Variants in RASAL2 observed in about 807,000 individuals in gnomAD.
RASAL2 encodes ras GTPase-activating protein nGAP.
Under a neutral mutation model 128.9 loss-of-function variants are expected in RASAL2, and 58 were observed. The observed-to-expected ratio is 0.45, with a 90% confidence interval of 0.36 to 0.56. RASAL2 has a LOEUF of 0.56. RASAL2 is among the 20% of genes least tolerant of loss of function. The pLI, the probability that RASAL2 is intolerant of heterozygous loss-of-function variation, is 0.00. For missense variants in RASAL2, 1,360 were observed against 1,601.6 expected (o/e 0.85, Z 2.57); for synonymous variants, 561 against 580.8 (o/e 0.97, Z 0.49).
At chr1:178,101,155 T>C (rs1410542215) in intron 1 of RASAL2, among the ~76,000 whole-genome samples, 1 of 152,074 alleles carries the variant, frequency 6.6e-6, no homozygotes, top group East Asian at 1.9e-4. Context: ...AAAAGAGAAG[T>C]CTTGAGGCCC....
intron 1 of RASAL2, among the ~76,000 whole-genome samples, chr1:178,250,190 C>T (rs572958662): frequency 3.9e-5 from 6 of 152,180 alleles, no homozygotes; most frequent in Non-Finnish European, 5.9e-5. Flanking sequence ...GCCCCTTCCC[C>T]CAGGGTGCTC....
chr1:178,382,097 T>C (rs925094424), intron 3 of RASAL2, among the ~76,000 whole-genome samples: 3 of 152,208 alleles, frequency 2.0e-5, no homozygotes, highest in Non-Finnish European at 2.9e-5. Flanking sequence ...ATACAACTTA[T>C]CTAAGTACTT....
intron 1 of RASAL2, among the ~76,000 whole-genome samples, chr1:178,129,479 A>G (rs1660022228): frequency 6.6e-6 from 1 of 152,044 alleles, no homozygotes; most frequent in Non-Finnish European, 1.5e-5. Context: ...TTCTTTATAT[A>G]TTCTGAATAA....
chr1:178,210,910 A>G (rs1451958722), intron 1 of RASAL2, among the ~76,000 whole-genome samples: 1 of 152,188 alleles, frequency 6.6e-6, no homozygotes, highest in Non-Finnish European at 1.5e-5. Flanking sequence ...TGAACTACCT[A>G]GAAGACTTGA....
At chr1:178,451,474 C>T in intron 9 of RASAL2, 97 bp from the exon 10 acceptor site, 2 of 1,279,862 alleles carry the variant, frequency 1.6e-6, no homozygotes, top group Admixed American at 2.5e-5. Context: ...GAAAAGAATT[C>T]CCCATTATAC....
At chr1:178,186,973 G>A (rs114774825) in intron 1 of RASAL2, among the ~76,000 whole-genome samples, 267 of 151,624 alleles carry the variant, frequency 1.8e-3, no homozygotes, top group African/African-American at 6.1e-3. Flanking sequence ...ACAAGCATGT[G>A]CCACCATGCC....
At chr1:178,415,833 T>A (rs1674715675) in intron 4 of RASAL2, among the ~76,000 whole-genome samples, 1 of 152,128 alleles carries the variant, frequency 6.6e-6, no homozygotes. Flanking sequence ...TTGTTAAGTT[T>A]TCTTGCTGTA....
At chr1:178,454,342 C>T in intron 11 of RASAL2, 105 bp from the exon 12 acceptor site, 1 of 851,078 alleles carries the variant, frequency 1.2e-6, no homozygotes. Context: ...ATTAGTCATT[C>T]CCTCCACAAA....
At chr1:178,183,736 T>G (rs1662196371) in intron 1 of RASAL2, among the ~76,000 whole-genome samples, 1 of 152,204 alleles carries the variant, frequency 6.6e-6, no homozygotes, top group Admixed American at 6.5e-5. Flanking sequence ...CTTCTAGTTT[T>G]TGGTGATTAT....
rs189366660 is a variant in RASAL2 at position 178,225,710 on chromosome 1, C to T, written c.203-57854C>T. 3.4e-3 allele frequency among the ~76,000 whole-genome samples: 509 copies of T among 151,876 alleles called. 4 individuals are homozygous for T. Among genetic ancestry groups the T allele is most frequent in the African/African-American group, 0.012 (494 of 41,444 alleles). The stretch of plus-strand genomic sequence containing the variant: ...ATATGTACTATGATTTATTTAGTCA[C>T]TTTTCTATTGATGGTCATTAGCATT... On this transcript the variant is annotated intron_variant, in intron 1 of 17. Transcript: ENST00000367649.
intron 3 of RASAL2, among the ~76,000 whole-genome samples, chr1:178,374,481 A>G (rs543568099): frequency 2.0e-5 from 3 of 152,126 alleles, no homozygotes; most frequent in Non-Finnish European, 4.4e-5. Context: ...TGTGCTGGTT[A>G]GGATCTACTA....
intron 1 of RASAL2, among the ~76,000 whole-genome samples, chr1:178,196,337 T>C (rs373007737): frequency 6.6e-6 from 1 of 152,094 alleles, no homozygotes. Context: ...TGAGAAGATA[T>C]TTGCAACATG....
At chr1:178,378,864 G>A (rs1018874897) in intron 3 of RASAL2, among the ~76,000 whole-genome samples, 14 of 151,898 alleles carry the variant, frequency 9.2e-5, no homozygotes, top group African/African-American at 3.4e-4. Flanking sequence ...CAACAAGTTA[G>A]ATAATAACAA....
At chr1:178,325,672 C>T (rs542033400) in intron 3 of RASAL2, among the ~76,000 whole-genome samples, 21 of 152,136 alleles carry the variant, frequency 1.4e-4, no homozygotes, top group Non-Finnish European at 2.9e-4. Context: ...TAGATAGGCT[C>T]CCTGAAAGAA....
chr1:178,292,554 A>G (rs1474369643), intron 2 of RASAL2, among the ~76,000 whole-genome samples: 1 of 152,238 alleles, frequency 6.6e-6, no homozygotes, highest in Non-Finnish European at 1.5e-5. Context: ...ATTGTGCCAA[A>G]TAGATATTGC....
intron 1 of RASAL2, among the ~76,000 whole-genome samples, chr1:178,152,401 G>A (rs1016375212): frequency 6.6e-6 from 1 of 152,162 alleles, no homozygotes; most frequent in Admixed American, 6.5e-5. Flanking sequence ...AGTGTTTTGT[G>A]AGTCATTCTA....
At chr1:178,110,534 ATATACTATATATACAGTG>A (rs2102243354) in intron 1 of RASAL2, among the ~76,000 whole-genome samples, 1 of 146,332 alleles carries the variant, frequency 6.8e-6, no homozygotes, top group South Asian at 2.1e-4. Flanking sequence ...TATATGCTAT[ATATACTATATATACAGTG>A]TATATATAGT....
chr1:178,438,919 G>GTA, intron 5 of RASAL2, among the ~76,000 whole-genome samples: 1 of 150,788 alleles, frequency 6.6e-6, no homozygotes, highest in South Asian at 2.1e-4. Flanking sequence ...GTGTGTGTGT[G>GTA]TGTGTGTGTG....
At chr1:178,293,860 G>A (rs1198061537) in intron 2 of RASAL2, among the ~76,000 whole-genome samples, 3 of 152,242 alleles carry the variant, frequency 2.0e-5, no homozygotes, top group Non-Finnish European at 2.9e-5. Context: ...AGTGTACCTT[G>A]ACCTTCCCTT....
Sources: allele counts gnomAD v4.1 joint callset (sites outside exome capture counted in the v4.1 genomes callset), GRCh38; gene constraint gnomAD v4.1.1; transcripts MANE v1.5; gene names NCBI Gene and HGNC (gene_info 2026-07-23, HGNC 2026-07-21).